TAF4B: variants seen among roughly 807,000 people sequenced by gnomAD.
The protein encoded by TAF4B is TATA-box binding protein associated factor 4b, also known as transcription initiation factor TFIID subunit 4B.
TAF4B carries 38 observed loss-of-function variants against 86.4 expected under a neutral mutation model. The observed-to-expected ratio is 0.44, with a 90% CI of 0.34 to 0.58. The LOEUF (loss-of-function observed/expected upper bound fraction) is 0.58. Ranked by LOEUF, TAF4B falls within the 20% of genes least tolerant of loss-of-function variation. TAF4B has a pLI of 0.02. For missense variants in TAF4B, 988 were observed against 1,027.6 expected (o/e 0.96, Z 0.53); for synonymous variants, 388 against 391.2 (o/e 0.99, Z 0.10).
intron 5 of TAF4B, 98 bp downstream of exon 5, chr18:26,275,151 T>C: frequency 8.0e-7 from 1 of 1,252,068 alleles, no homozygotes. Flanking sequence ...ATTTAATTTA[T>C]TTATTTATTT....
chr18:26,360,707 A>G (rs1057221721), intron 14 of TAF4B, among the ~76,000 whole-genome samples: 24 of 152,290 alleles, frequency 1.6e-4, no homozygotes, highest in African/African-American at 5.8e-4. Flanking sequence ...TCCCAACACC[A>G]TTTACTCAGT....
intron 1 of TAF4B, among the ~76,000 whole-genome samples, chr18:26,253,704 C>A (rs961071246): frequency 2.0e-5 from 3 of 152,074 alleles, no homozygotes; most frequent in Non-Finnish European, 4.4e-5. Flanking sequence ...TCTGGACCTG[C>A]GCTTTTCTTA....
chr18:26,231,598 T>C (rs2055671598), intron 1 of TAF4B, among the ~76,000 whole-genome samples: 1 of 152,098 alleles, frequency 6.6e-6, no homozygotes, highest in South Asian at 2.1e-4. Context: ...AGTGATCTGC[T>C]GATCTCAGCC....
At chr18:26,257,842 C>CGTGTGTGTGTGTGTGT (rs57275139) in intron 1 of TAF4B, among the ~76,000 whole-genome samples, 5 of 141,436 alleles carry the variant, frequency 3.5e-5, no homozygotes, top group Non-Finnish European at 6.1e-5. Flanking sequence ...CCTCTGCGTG[C>CGTGTGTGTGTGTGTGT]GTGTGTGTGT....
At chr18:26,268,148 G>T (rs1458634998) in intron 3 of TAF4B, among the ~76,000 whole-genome samples, 1 of 152,160 alleles carries the variant, frequency 6.6e-6, no homozygotes, top group Admixed American at 6.5e-5. Flanking sequence ...ATCCTCTGCA[G>T]CTGAGGGAAG....
At chr18:26,330,483 G>T (rs2057041542) in intron 12 of TAF4B, among the ~76,000 whole-genome samples, 1 of 152,162 alleles carries the variant, frequency 6.6e-6, no homozygotes, top group African/African-American at 2.4e-5. Context: ...TAAGAAGCCT[G>T]CCTTCTTTTC....
chr18:26,227,068 G>T lies in TAF4B; in HGVS notation c.135G>T (p.Val45=). 1 of 1,601,142 alleles carries T rather than the reference G, an allele frequency of 6.2e-7. No individual in the cohort carries two copies. Among genetic ancestry groups the T allele is most frequent in the South Asian group, 1.1e-5 (1 of 90,286 alleles). Residue 45 remains valine (V), a synonymous_variant, in exon 1 of 15, where the codon GTG becomes GTT. Coordinates refer to ENST00000269142, the MANE Select transcript of TAF4B (RefSeq NM_005640.3). ...GCACTCCGGTGGCCCTGGGCGCCGT[G>T]ACTAAGGCTCCTGTCAGCGTCTGCG... ...VESTPVALGA[V]TKAPVSVCVE...
intron 14 of TAF4B, among the ~76,000 whole-genome samples, chr18:26,382,168 TAAAG>T (rs1197987897): frequency 2.0e-5 from 3 of 152,300 alleles, no homozygotes; most frequent in South Asian, 4.1e-4. Flanking sequence ...AGCTAATTCT[TAAAG>T]AAAAATGTTT....
chr18:26,276,651 C>G (rs2056387980), intron 5 of TAF4B, among the ~76,000 whole-genome samples: 1 of 152,118 alleles, frequency 6.6e-6, no homozygotes, highest in Admixed American at 6.6e-5. Context: ...GTTTTTATTA[C>G]AGATGTCTAA....
intron 1 of TAF4B, among the ~76,000 whole-genome samples, chr18:26,241,156 A>G (rs1268482318): frequency 6.6e-6 from 1 of 152,206 alleles, no homozygotes; most frequent in East Asian, 1.9e-4. Context: ...TTCAGAAGGA[A>G]TGGTAGCAGC....
intron 14 of TAF4B, among the ~76,000 whole-genome samples, chr18:26,385,679 G>GTTTTTTTTTTTTTTT (rs34188640): frequency 9.1e-6 from 1 of 109,786 alleles, no homozygotes; most frequent in Non-Finnish European, 2.0e-5. Flanking sequence ...AATAAACAGC[G>GTTTTTTTTTTTTTTT]TTTTTTTTTT....
chr18:26,361,200 A>G (rs569536521), intron 14 of TAF4B, among the ~76,000 whole-genome samples: 142 of 152,004 alleles, frequency 9.3e-4, no homozygotes, highest in African/African-American at 3.2e-3. Context: ...CCGGTAAACA[A>G]TTCTCCATTT....
At chr18:26,337,236 C>G (rs76826263) in intron 13 of TAF4B, among the ~76,000 whole-genome samples, 3,398 of 152,232 alleles carry the variant, frequency 0.022, 235 homozygotes, top group East Asian at 0.16. Context: ...AAGAACAGAG[C>G]CACTCTGTTT....
chr18:26,312,367 C>T (rs1598789426), intron 9 of TAF4B, among the ~76,000 whole-genome samples: 1 of 152,148 alleles, frequency 6.6e-6, no homozygotes, highest in East Asian at 1.9e-4. Context: ...TTTGTGGCAC[C>T]TTTTCCTCTT....
At position 26,227,111 on chromosome 18, in the gene TAF4B, C is replaced by A; in HGVS notation, c.178C>A (p.Gln60Lys). Residue 60 changes from glutamine to lysine, a missense_variant, in exon 1 of 15, where the codon CAG becomes AAG. Transcript: ENST00000269142. The part of the protein sequence containing the change: ...VSVCVEPTAS[Q>K]PLRSPVGTLV... ...CGTCTGCGTGGAGCCCACGGCGTCCCAGCCCCTGCGGTCCCCCGTGGGGAC... is the reference window on the plus strand; with the variant it reads ...CGTCTGCGTGGAGCCCACGGCGTCCAAGCCCCTGCGGTCCCCCGTGGGGAC... 1 of 1,613,150 alleles carries A rather than the reference C, an allele frequency of 6.2e-7. No homozygotes were observed. Among genetic ancestry groups the A allele is most frequent in the Non-Finnish European group, 8.5e-7 (1 of 1,179,676 alleles).
chr18:26,234,866 T>G (rs2055725341), intron 1 of TAF4B, among the ~76,000 whole-genome samples: 1 of 152,194 alleles, frequency 6.6e-6, no homozygotes, highest in Admixed American at 6.5e-5. Context: ...TAAACTTCCT[T>G]TGGCACGTAG....
At chr18:26,302,076 G>A (rs1398669354) in intron 9 of TAF4B, among the ~76,000 whole-genome samples, 2 of 152,052 alleles carry the variant, frequency 1.3e-5, no homozygotes, top group African/African-American at 4.8e-5. Context: ...TTAGTTTCTT[G>A]TCCTCAAAAC....
At chr18:26,301,008 C>T (rs1373380407) in intron 9 of TAF4B, among the ~76,000 whole-genome samples, 2 of 152,124 alleles carry the variant, frequency 1.3e-5, no homozygotes, top group African/African-American at 4.8e-5. Flanking sequence ...AAGACATAAA[C>T]TCACAAATTT....
chr18:26,362,003 C>T (rs2057336641), intron 14 of TAF4B, among the ~76,000 whole-genome samples: 1 of 151,874 alleles, frequency 6.6e-6, no homozygotes, highest in Non-Finnish European at 1.5e-5. Context: ...ACTTTTAATT[C>T]CTTTGAGAAT....
Sources: allele counts gnomAD v4.1 joint callset (sites outside exome capture counted in the v4.1 genomes callset), GRCh38; gene constraint gnomAD v4.1.1; transcripts MANE v1.5; gene names NCBI Gene and HGNC (gene_info 2026-07-23, HGNC 2026-07-21).